Variants in STUM observed in about 807,000 individuals in gnomAD.
STUM encodes the protein stum, mechanosensory transduction mediator homolog, also known as protein stum homolog.
A neutral mutation model predicts 15.3 loss-of-function variants in STUM; 8 were observed. The observed-to-expected ratio is 0.52, with a 90% confidence interval of 0.31 to 0.94. The LOEUF (loss-of-function observed/expected upper bound fraction) is 0.94. Ranked by LOEUF, STUM falls within the 40% of genes least tolerant of loss-of-function variation. STUM has a pLI of 0.05. For missense variants in STUM, 142 were observed against 204.9 expected (o/e 0.69, Z 1.87); for synonymous variants, 78 against 88.7 (o/e 0.88, Z 0.68).
intron 1 of STUM, among the ~76,000 whole-genome samples, chr1:226,568,453 G>A (rs778096423): frequency 6.6e-6 from 1 of 152,224 alleles, no homozygotes; most frequent in East Asian, 1.9e-4. Flanking sequence ...TCAGGAATGT[G>A]GTTCATCGCC....
intron 1 of STUM, among the ~76,000 whole-genome samples, chr1:226,556,734 G>A (rs564081529): frequency 4.0e-4 from 61 of 152,212 alleles, no homozygotes; most frequent in African/African-American, 1.1e-3. Flanking sequence ...AATAATCTCC[G>A]CTTGGGCATC....
At position 226,578,444 on chromosome 1, in the gene STUM, C is replaced by T. The variant is rs1667859608; in HGVS notation, c.203-18358C>T. Among the ~76,000 whole-genome samples, 3 of 147,572 alleles carry T rather than the reference C, an allele frequency of 2.0e-5. No homozygotes were observed. In the Admixed American group the frequency reaches 2.1e-4, roughly 10 times the overall value. On this transcript the variant is annotated intron_variant, in intron 1 of 3. Coordinates refer to ENST00000366788, the MANE Select transcript of STUM (RefSeq NM_001003665.4). ...CAGTGACGCAATCACAGGTCACTTG[C>T]AGCCTCGACTGTCTGGGCTCAAGTG...
chr1:226,588,047 C>G (rs953913682), intron 1 of STUM, among the ~76,000 whole-genome samples: 1 of 152,164 alleles, frequency 6.6e-6, no homozygotes, highest in Non-Finnish European at 1.5e-5. Flanking sequence ...AGGGCACTGG[C>G]AGATTCATTC....
chr1:226,564,126 C>T (rs945528461), intron 1 of STUM, among the ~76,000 whole-genome samples: 1 of 152,160 alleles, frequency 6.6e-6, no homozygotes, highest in African/African-American at 2.4e-5. Flanking sequence ...TTGAGTCTGG[C>T]GAGATACCCA....
chr1:226,577,686 GA>G (rs1210386097), intron 1 of STUM, among the ~76,000 whole-genome samples: 1 of 152,218 alleles, frequency 6.6e-6, no homozygotes, highest in African/African-American at 2.4e-5. Flanking sequence ...AACTGAAAGG[GA>G]GGGGGGGCCA....
intron 1 of STUM, among the ~76,000 whole-genome samples, chr1:226,554,566 A>C (rs1409846281): frequency 6.6e-6 from 1 of 152,228 alleles, no homozygotes; most frequent in Non-Finnish European, 1.5e-5. Context: ...TGATATAAGC[A>C]AGCTGGCTTG....
chr1:226,550,378 G>A (rs1667354021), intron 1 of STUM, among the ~76,000 whole-genome samples: 1 of 152,154 alleles, frequency 6.6e-6, no homozygotes, highest in South Asian at 2.1e-4. Context: ...GTGGCCTTTA[G>A]TTGGGCTTCT....
intron 1 of STUM, among the ~76,000 whole-genome samples, chr1:226,571,492 A>T (rs962728422): frequency 6.6e-6 from 1 of 152,192 alleles, no homozygotes. Context: ...TATTGTCTGC[A>T]TTTATAATGA....
chr1:226,578,746 C>A (rs1297588375), intron 1 of STUM, among the ~76,000 whole-genome samples: 1 of 152,178 alleles, frequency 6.6e-6, no homozygotes, highest in Non-Finnish European at 1.5e-5. Context: ...GCCACCCCTG[C>A]AGCGGCTGCT....
chr1:226,597,320 A>T lies in STUM; in HGVS notation c.382+339A>T, dbSNP rs1668198875. On this transcript the variant is annotated intron_variant, in intron 2 of 3. Coordinates refer to ENST00000366788, the MANE Select transcript of STUM (RefSeq NM_001003665.4). ...ACAACTCAGTTACCCTTTCTAAAAT[A>T]ACCTAGCAAAATCTTAAAACAGACA... 48 of 508,762 alleles carry T rather than the reference A, an allele frequency of 9.4e-5. 2 individuals are homozygous for T. The highest frequency in any genetic ancestry group is 6.8e-4 in the South Asian group (44 of 64,894). The allele number at this position is 508,762 out of a possible 1,614,324, so 31.5% of individuals were successfully genotyped here.
At position 226,600,522 on chromosome 1, in the gene STUM, C is replaced by A; in HGVS notation, c.383-144C>A. 2.1e-6 allele frequency: 2 copies of A among 961,262 alleles called. No homozygotes were observed. The highest frequency in any genetic ancestry group is 3.2e-6 in the Non-Finnish European group (2 of 617,154). The allele number at this position is 961,262 out of a possible 1,614,324, so 59.5% of individuals were successfully genotyped here. A position where few individuals can be genotyped will look rare whatever the true frequency, so the allele number is the denominator to read the frequency against. On this transcript the variant is annotated intron_variant, in intron 2 of 3. Transcript: ENST00000366788. The surrounding 1 kb of genome is among the most constrained non-coding windows in gnomAD (Gnocchi z 5.2). ...GGCGTCTGAGAAGCCACTGGCATGG[C>A]CCCTGTCCCATCTCCCAGGCCTCAC...
At chr1:226,568,259 TA>T (rs1667653838) in intron 1 of STUM, among the ~76,000 whole-genome samples, 1 of 152,068 alleles carries the variant, frequency 6.6e-6, no homozygotes, top group Non-Finnish European at 1.5e-5. Context: ...GCTTCTAGAG[TA>T]GTGAGGTTTC....
At chr1:226,590,753 G>A (rs1285604744) in intron 1 of STUM, among the ~76,000 whole-genome samples, 1 of 152,176 alleles carries the variant, frequency 6.6e-6, no homozygotes, top group Admixed American at 6.5e-5. Context: ...GCTCTGGACT[G>A]TGCACCGCTT....
At chr1:226,575,154 C>G (rs1009452440) in intron 1 of STUM, among the ~76,000 whole-genome samples, 1 of 152,208 alleles carries the variant, frequency 6.6e-6, no homozygotes, top group Non-Finnish European at 1.5e-5. Flanking sequence ...CTGGTGGGCT[C>G]AGGCAGTCGG....
Position 226,602,122 on chromosome 1 carries a change from G to A in STUM, c.*82G>A. The A allele has an allele frequency of 9.6e-7, 1 of 1,037,796 alleles. No individual in the cohort carries two copies. The highest frequency in any genetic ancestry group is 1.4e-6 in the Non-Finnish European group (1 of 694,240). 64.3% of individuals were successfully genotyped at this position (1,037,796 alleles called of 1,614,324 possible). On this transcript the variant is annotated 3_prime_UTR_variant, in exon 4 of 4. Transcript: ENST00000366788. ...GCTTTGGGCACAAGGACCTTTACATGTTCTTTTCTGCCATTTTCTGGACTG... is the reference window on the plus strand; with the variant it reads ...GCTTTGGGCACAAGGACCTTTACATATTCTTTTCTGCCATTTTCTGGACTG...
intron 1 of STUM, among the ~76,000 whole-genome samples, chr1:226,560,635 T>C (rs896306473): frequency 6.6e-6 from 1 of 152,134 alleles, no homozygotes; most frequent in African/African-American, 2.4e-5. Context: ...GTTGTGGCCC[T>C]GGTTGGAGAT....
chr1:226,550,591 C>A (rs971304011), intron 1 of STUM, among the ~76,000 whole-genome samples: 2 of 150,962 alleles, frequency 1.3e-5, no homozygotes, highest in Non-Finnish European at 2.9e-5. Flanking sequence ...GCATCTTGAT[C>A]CACCTTTTTT....
intron 1 of STUM, among the ~76,000 whole-genome samples, chr1:226,553,001 C>T (rs1220394633): frequency 6.6e-6 from 1 of 152,144 alleles, no homozygotes; most frequent in Non-Finnish European, 1.5e-5. Context: ...AGCCTTTATT[C>T]AATATAAAAG....
Position 226,596,809 on chromosome 1 carries a change from C to T in STUM, c.210C>T (p.Phe70=), listed in dbSNP as rs763091873. The change falls in exon 2 of 4, where the codon TTC becomes TTT. Residue 70 remains phenylalanine (F), a synonymous_variant. Coordinates refer to ENST00000366788, the MANE Select transcript of STUM (RefSeq NM_001003665.4). The part of the protein sequence containing the change: ...LNTFVPGLGT[F]VSAFTVLCGA... ...CCCTCTGGCCTCTCACAGGGACATTCGTCTCGGCCTTCACTGTGCTGTGCG... is the reference window on the plus strand; with the variant it reads ...CCCTCTGGCCTCTCACAGGGACATTTGTCTCGGCCTTCACTGTGCTGTGCG... 20 of 1,609,776 alleles carry T rather than the reference C, an allele frequency of 1.2e-5. No homozygotes were observed. The highest frequency in any genetic ancestry group is 2.2e-5 in the South Asian group (2 of 90,988).
Sources: gnomAD v4.1 joint callset for allele counts (sites outside exome capture counted in the v4.1 genomes callset) on GRCh38, gnomAD v4.1.1 for gene constraint, Gnocchi (gnomAD v3.1) non-coding constraint, MANE v1.5 for transcripts, NCBI Gene and HGNC (gene_info 2026-07-23, HGNC 2026-07-21) for gene names.